The following TVP23C variants were observed in gnomAD, a reference collection of about 807,000 sequenced individuals.
The protein encoded by TVP23C is trans-golgi network vesicle protein 23 homolog C, also known as Golgi apparatus membrane protein TVP23 homolog C.
Under a neutral mutation model 28.7 loss-of-function variants are expected in TVP23C, and 19 were observed. The observed-to-expected ratio is 0.66, with a 90% CI of 0.46 to 0.97. The LOEUF is 0.97. Among genes scored for constraint, TVP23C ranks in the 50% least tolerant of loss-of-function variants. The pLI is 0.00. For synonymous variants in TVP23C, 68 were observed against 81.7 expected, an observed-to-expected ratio of 0.83 and a Z score of 0.90; for missense variants, 186 against 241.3, an observed-to-expected ratio of 0.77 and a Z score of 1.52.
At chr17:15,502,800 CCT>C (rs942450466) in exon 6 of TVP23C, 16 of 1,456,388 alleles carry the variant, frequency 1.1e-5, no homozygotes, top group East Asian at 2.3e-5. Flanking sequence ...TCTCCTCTCT[CCT>C]CTCTCTCCTC....
chr17:15,556,689 C>T (rs1486316702), intron 1 of TVP23C, among the ~76,000 whole-genome samples: 1 of 152,144 alleles, frequency 6.6e-6, no homozygotes, highest in African/African-American at 2.4e-5. Context: ...GTTCACACCT[C>T]AATTCACTGC....
chr17:15,545,177 T>C (rs1358812290), intron 5 of TVP23C, among the ~76,000 whole-genome samples: 1 of 152,176 alleles, frequency 6.6e-6, no homozygotes, highest in Non-Finnish European at 1.5e-5. Flanking sequence ...AGCAATGCTA[T>C]GACATCTTAG....
intron 1 of TVP23C, among the ~76,000 whole-genome samples, chr17:15,559,093 T>A (rs1984262772): frequency 6.8e-6 from 1 of 148,056 alleles, no homozygotes. Context: ...CCCAAAGTGC[T>A]ACGATTAGAG....
chr17:15,514,564 A>G (rs1487330166), intron 5 of TVP23C, among the ~76,000 whole-genome samples: 1 of 152,250 alleles, frequency 6.6e-6, no homozygotes, highest in Non-Finnish European at 1.5e-5. Context: ...AAAAATGGAA[A>G]TAAGGAGCAC....
At chr17:15,545,201 A>C (rs2150852217) in intron 5 of TVP23C, among the ~76,000 whole-genome samples, 1 of 152,250 alleles carries the variant, frequency 6.6e-6, no homozygotes, top group East Asian at 1.9e-4. Context: ...AGATTGTAAA[A>C]GCTTGTGAGC....
intron 5 of TVP23C, among the ~76,000 whole-genome samples, chr17:15,542,333 C>G (rs2954740): frequency 3.9e-5 from 6 of 152,040 alleles, no homozygotes; most frequent in South Asian, 4.2e-4. Context: ...AGGCAGGAGA[C>G]GAAGCGCAGA....
chr17:15,543,464 C>T (rs2150850989), intron 5 of TVP23C, among the ~76,000 whole-genome samples: 1 of 151,320 alleles, frequency 6.6e-6, no homozygotes, highest in Non-Finnish European at 1.5e-5. Context: ...AAAAACCCAC[C>T]AAAATAAAAG....
intron 1 of TVP23C, among the ~76,000 whole-genome samples, chr17:15,559,862 T>A (rs1406113849): frequency 6.7e-6 from 1 of 148,846 alleles, no homozygotes; most frequent in African/African-American, 2.4e-5. Context: ...GACAGACTCC[T>A]GGCATTCCAA....
At chr17:15,526,080 A>C (rs981659705) in intron 5 of TVP23C, among the ~76,000 whole-genome samples, 77 of 152,294 alleles carry the variant, frequency 5.1e-4, no homozygotes, top group Admixed American at 1.1e-3. Context: ...ACCCGCTGCC[A>C]TATCACCTTG....
At chr17:15,505,951 C>T (rs112175654) in intron 5 of TVP23C, among the ~76,000 whole-genome samples, 10 of 152,220 alleles carry the variant, frequency 6.6e-5, no homozygotes, top group Admixed American at 5.9e-4. Flanking sequence ...ACCTGCAGCC[C>T]GCCATGCCTG....
rs55842744 is a variant in TVP23C at position 15,546,071 on chromosome 17, C to T, written c.331-155G>A. Reference sequence around the variant, plus strand: ...CCCAAAAATACATGACTATCACTCTCGTAATTTTAGGAACTGATCTATATT... The same window carrying T: ...CCCAAAAATACATGACTATCACTCTTGTAATTTTAGGAACTGATCTATATT... On this transcript the variant is annotated intron_variant, in intron 4 of 5. Transcript: ENST00000518321. 2.6e-4 allele frequency among the ~76,000 whole-genome samples: 40 copies of T among 151,804 alleles called. 1 individual carries two copies. The South Asian group carries it at 7.5e-3, about 28-fold the overall frequency.
Position 15,538,065 on chromosome 17 carries a change from G to C in TVP23C, c.*2347C>G, listed in dbSNP as rs922254019. Reference sequence around the variant, plus strand: ...TTGCAACATGGACTAAGCTCTAAAAGGTTGAGTCAAGAATCTCTTCAGTTG... The same window carrying C: ...TTGCAACATGGACTAAGCTCTAAAACGTTGAGTCAAGAATCTCTTCAGTTG... On this transcript the variant is annotated 3_prime_UTR_variant, in exon 6 of 6. Coordinates refer to ENST00000518321, the MANE Select transcript of TVP23C (RefSeq NM_001135036.2). The C allele has an allele frequency of 6.2e-7, 1 of 1,605,590 alleles. No individual in the cohort carries two copies. Among genetic ancestry groups the C allele is most frequent in the Non-Finnish European group, 8.5e-7 (1 of 1,176,680 alleles).
At chr17:15,510,511 G>C (rs1278246091) in intron 5 of TVP23C, among the ~76,000 whole-genome samples, 1 of 152,128 alleles carries the variant, frequency 6.6e-6, no homozygotes, top group Non-Finnish European at 1.5e-5. Context: ...GGAGAAAAGG[G>C]AATGCTTATA....
intron 5 of TVP23C, among the ~76,000 whole-genome samples, chr17:15,523,748 G>A (rs1392671312): frequency 6.6e-6 from 1 of 151,770 alleles, no homozygotes; most frequent in African/African-American, 2.4e-5. Context: ...CAAGTAGCTG[G>A]GACTACAGGC....
chr17:15,515,451 G>C, intron 5 of TVP23C, among the ~76,000 whole-genome samples: 1 of 152,180 alleles, frequency 6.6e-6, no homozygotes, highest in South Asian at 2.1e-4. Context: ...CCCCTCAGAG[G>C]GGAATCCTGC....
At chr17:15,542,236 C>G (rs1347196320) in intron 5 of TVP23C, among the ~76,000 whole-genome samples, 2 of 152,132 alleles carry the variant, frequency 1.3e-5, no homozygotes, top group African/African-American at 4.8e-5. Context: ...ATAGCCATGA[C>G]AGCAGAAACT....
chr17:15,550,720 TCTTA>T (rs767516281), intron 3 of TVP23C, among the ~76,000 whole-genome samples: 4 of 152,214 alleles, frequency 2.6e-5, no homozygotes, highest in Non-Finnish European at 5.9e-5. Context: ...CTTAGTGCTT[TCTTA>T]CTCTGATCCA....
At chr17:15,514,836 G>A (rs1275495341) in intron 5 of TVP23C, among the ~76,000 whole-genome samples, 1 of 152,208 alleles carries the variant, frequency 6.6e-6, no homozygotes, top group Non-Finnish European at 1.5e-5. Flanking sequence ...CAACACAGGT[G>A]TGAAACTGAG....
exon 6 of TVP23C, chr17:15,503,164 G>A: frequency 6.3e-7 from 1 of 1,591,788 alleles, no homozygotes; most frequent in Non-Finnish European, 8.6e-7. Flanking sequence ...CGCTTTGGAA[G>A]GCGGAAGCGG....
Sources: gnomAD v4.1 joint callset for allele counts (sites outside exome capture counted in the v4.1 genomes callset) on GRCh38, gnomAD v4.1.1 for gene constraint, MANE v1.5 for transcripts, NCBI Gene and HGNC (gene_info 2026-07-23, HGNC 2026-07-21) for gene names.